The following RANBP2 variants were observed in gnomAD, a reference collection of about 807,000 sequenced individuals.
RANBP2 encodes the protein E3 SUMO-protein ligase RanBP2.
Under a neutral mutation model 303.6 loss-of-function variants are expected in RANBP2, and 57 were observed. The ratio of observed to expected loss-of-function variants is 0.19; its 90% confidence interval spans 0.15 to 0.23. RANBP2 has a LOEUF of 0.23. RANBP2 is among the 10% of genes least tolerant of loss of function. The pLI is 1.00. For missense variants in RANBP2, 3,138 were observed against 3,780.8 expected (o/e 0.83, Z 4.46); for synonymous variants, 1,167 against 1,301.5 (o/e 0.90, Z 2.23).
At chr2:109,208,808 C>T in the RANBP2 span, among the ~76,000 whole-genome samples, 1 of 152,188 alleles carries the variant, frequency 6.6e-6, no homozygotes, top group Admixed American at 6.5e-5. Context: ...GCAGATGTCT[C>T]AAGCATGAGA....
the RANBP2 span, among the ~76,000 whole-genome samples, chr2:108,996,545 AC>A: frequency 6.6e-6 from 1 of 152,174 alleles, no homozygotes; most frequent in Non-Finnish European, 1.5e-5. Flanking sequence ...TGAAATACAT[AC>A]CCCAGACGGG....
the RANBP2 span, among the ~76,000 whole-genome samples, chr2:108,962,759 G>A: frequency 3.3e-5 from 5 of 150,702 alleles, no homozygotes; most frequent in Admixed American, 3.3e-4. Flanking sequence ...TTCCTGGCAT[G>A]ACACCATCGC....
chr2:109,072,161 G>A, the RANBP2 span, among the ~76,000 whole-genome samples: 3 of 152,218 alleles, frequency 2.0e-5, no homozygotes, highest in Non-Finnish European at 4.4e-5. Context: ...GCTTATGTGG[G>A]ATGTAGTGAT....
At chr2:109,228,040 G>A in the RANBP2 span, among the ~76,000 whole-genome samples, 1 of 152,108 alleles carries the variant, frequency 6.6e-6, no homozygotes, top group East Asian at 1.9e-4. Flanking sequence ...TTATTTGTAG[G>A]AAAGTGATGC....
the RANBP2 span, chr2:109,449,106 C>CGG: frequency 1.9e-6 from 3 of 1,545,506 alleles, no homozygotes; most frequent in Admixed American, 1.9e-5. Context: ...TTGCAGCTGC[C>CGG]TGGCAGGCAT....
the RANBP2 span, among the ~76,000 whole-genome samples, chr2:108,829,814 T>C: frequency 6.6e-6 from 1 of 152,210 alleles, no homozygotes; most frequent in East Asian, 1.9e-4. Context: ...AGTGGAATCC[T>C]TGTTTACTGG....
chr2:109,272,920 C>T, the RANBP2 span, among the ~76,000 whole-genome samples: 6 of 152,176 alleles, frequency 3.9e-5, no homozygotes, highest in Admixed American at 1.3e-4. Flanking sequence ...AGTTTCCTAG[C>T]AGCCTTAATC....
Position 108,763,812 on chromosome 2 carries a change from A to T in RANBP2, c.3273A>T (p.Gln1091His), listed in dbSNP as rs770365585. The change falls in exon 20 of 29, where the codon CAA becomes CAT. Residue 1091 changes from glutamine to histidine, a missense_variant. Gln to His is a conservative substitution (Grantham distance 24). Transcript: ENST00000283195. ...YSGAKPIPGG[Q>H]TIGPRNTFNF... is the part of the protein sequence containing the mutation. Reference sequence around the variant, plus strand: ...GAGCCAAACCAATTCCTGGTGGTCAAACCATTGGGCCTCGAAATACATTCA... The same window carrying T: ...GAGCCAAACCAATTCCTGGTGGTCATACCATTGGGCCTCGAAATACATTCA... 1.7e-5 allele frequency: 27 copies of T among 1,614,006 alleles called. No homozygotes were observed. The highest frequency in any genetic ancestry group is 2.7e-5 in the African/African-American group (2 of 74,924).
chr2:108,980,120 T>TG, the RANBP2 span, among the ~76,000 whole-genome samples: 1 of 51,242 alleles, frequency 2.0e-5, no homozygotes, highest in African/African-American at 7.5e-5. Context: ...TGGGGTCGGG[T>TG]GGGGGGCTGG....
rs1272258628 is a variant in RANBP2 at position 108,751,592 on chromosome 2, A to C, written c.1520A>C (p.His507Pro). Reference protein sequence around the residue: ...LQLKEKCNSHHSSYQPLCLPL... With the variant: ...LQLKEKCNSHPSSYQPLCLPL... The stretch of plus-strand genomic sequence containing the variant: ...TTAAAGGAGAAATGTAATTCTCACC[A>C]CAGCTCCTATCAGCCGTTATGCCTG... The change falls in exon 11 of 29, where the codon CAC becomes CCC. Residue 507 changes from histidine to proline, a missense_variant. His to Pro is a moderately conservative substitution (Grantham distance 77). Coordinates refer to ENST00000283195, the MANE Select transcript of RANBP2 (RefSeq NM_006267.5). 1.2e-6 allele frequency: 2 copies of C among 1,611,072 alleles called. No homozygotes were observed.
the RANBP2 span, among the ~76,000 whole-genome samples, chr2:108,993,983 A>G: frequency 6.6e-6 from 1 of 152,108 alleles, no homozygotes; most frequent in African/African-American, 2.4e-5. Context: ...CAAGGGCACT[A>G]ATCCCATTCA....
chr2:109,086,442 G>C, the RANBP2 span, among the ~76,000 whole-genome samples: 1 of 152,302 alleles, frequency 6.6e-6, no homozygotes, highest in East Asian at 1.9e-4. Flanking sequence ...CCCAAGGATT[G>C]GTGGGGGTCT....
the RANBP2 span, among the ~76,000 whole-genome samples, chr2:109,366,785 C>T: frequency 1.9e-4 from 29 of 152,142 alleles, no homozygotes; most frequent in Admixed American, 1.3e-3. Flanking sequence ...CCTGGAAAGT[C>T]AAAGCTGCAG....
At chr2:109,175,225 G>T in the RANBP2 span, among the ~76,000 whole-genome samples, 1 of 152,194 alleles carries the variant, frequency 6.6e-6, no homozygotes, top group Admixed American at 6.5e-5. Context: ...GCCATGGCCT[G>T]TGGTGCTTCC....
chr2:108,918,612 C>T, the RANBP2 span, among the ~76,000 whole-genome samples: 1 of 152,198 alleles, frequency 6.6e-6, no homozygotes, highest in Non-Finnish European at 1.5e-5. Flanking sequence ...CTGCCTACCT[C>T]GCGTGGAGTT....
chr2:109,292,314 G>T, the RANBP2 span, among the ~76,000 whole-genome samples: 2 of 152,212 alleles, frequency 1.3e-5, no homozygotes, highest in East Asian at 1.9e-4. Context: ...CCTTGTTAGT[G>T]TATTGGGGTT....
At chr2:109,234,749 A>C in the RANBP2 span, among the ~76,000 whole-genome samples, 1 of 152,222 alleles carries the variant, frequency 6.6e-6, no homozygotes, top group Admixed American at 6.5e-5. Flanking sequence ...GGAGCAGCAC[A>C]CACCACGTTT....
chr2:109,241,057 A>G, the RANBP2 span, among the ~76,000 whole-genome samples: 5 of 152,346 alleles, frequency 3.3e-5, no homozygotes, highest in African/African-American at 7.2e-5. Flanking sequence ...TACTAAAAAT[A>G]TATGTTTAAA....
chr2:109,448,949 G>T, the RANBP2 span, among the ~76,000 whole-genome samples: 254 of 152,300 alleles, frequency 1.7e-3, 1 homozygote, highest in Non-Finnish European at 2.0e-3. Flanking sequence ...AGCCGTGGCA[G>T]GGCCCCCTGA....
Sources: allele counts gnomAD v4.1 joint callset (sites outside exome capture counted in the v4.1 genomes callset), GRCh38; gene constraint gnomAD v4.1.1; transcripts MANE v1.5; gene names NCBI Gene and HGNC (gene_info 2026-07-23, HGNC 2026-07-21).